The following CLASP1 variants were observed in gnomAD, a reference collection of about 807,000 sequenced individuals.
The protein encoded by CLASP1 is cytoplasmic linker associated protein 1.
CLASP1 carries 38 observed loss-of-function variants against 192.3 expected under a neutral mutation model. The ratio of observed to expected loss-of-function variants is 0.20; its 90% confidence interval spans 0.15 to 0.26. The LOEUF (loss-of-function observed/expected upper bound fraction) is 0.26, where lower values mean the gene tolerates loss of function less well. Ranked by LOEUF, CLASP1 falls within the 10% of genes least tolerant of loss-of-function variation. The probability of loss-of-function intolerance (pLI) is 1.00; values close to 1 mark genes in which losing one functional copy is unlikely to be tolerated. For synonymous variants in CLASP1, 691 were observed against 712.8 expected, an observed-to-expected ratio of 0.97 and a Z score of 0.49; for missense variants, 1,433 against 1,932.5, an observed-to-expected ratio of 0.74 and a Z score of 4.85.
intron 2 of CLASP1, among the ~76,000 whole-genome samples, chr2:121,535,737 C>A (rs901005428): frequency 6.6e-6 from 1 of 151,782 alleles, no homozygotes; most frequent in African/African-American, 2.4e-5. Context: ...CAACCTCCAT[C>A]TCCCAGCTTC....
intron 39 of CLASP1, among the ~76,000 whole-genome samples, chr2:121,344,307 T>A (rs1477792127): frequency 6.6e-6 from 1 of 152,048 alleles, no homozygotes; most frequent in African/African-American, 2.4e-5. Context: ...TATCTCTTCC[T>A]GGTATCACTT....
chr2:121,407,585 C>A, exon 25 of CLASP1: 2 of 1,613,942 alleles, frequency 1.2e-6, no homozygotes, highest in Non-Finnish European at 1.7e-6. Flanking sequence ...CTCAGTCTGC[C>A]GCAGATAATG....
At chr2:121,593,342 G>A (rs533921283) in intron 2 of CLASP1, among the ~76,000 whole-genome samples, 4 of 152,220 alleles carry the variant, frequency 2.6e-5, no homozygotes, top group South Asian at 2.1e-4. Flanking sequence ...AACTATGGCC[G>A]GGCACGGTGG....
intron 7 of CLASP1, among the ~76,000 whole-genome samples, chr2:121,512,202 G>A (rs2094157263): frequency 6.6e-6 from 1 of 152,188 alleles, no homozygotes; most frequent in South Asian, 2.1e-4. Flanking sequence ...CCCAAATGAT[G>A]ATCCCAGAAG....
intron 35 of CLASP1, among the ~76,000 whole-genome samples, chr2:121,367,252 C>T (rs1401046107): frequency 6.6e-6 from 1 of 152,242 alleles, no homozygotes; most frequent in Admixed American, 6.5e-5. Context: ...TCCTACACCC[C>T]TGGCCTACCT....
intron 7 of CLASP1, among the ~76,000 whole-genome samples, chr2:121,507,351 GA>G (rs2093974434): frequency 1.3e-5 from 2 of 152,076 alleles, no homozygotes; most frequent in South Asian, 4.1e-4. Flanking sequence ...AGACAAGAAG[GA>G]ATCAACAAAT....
intron 8 of CLASP1, among the ~76,000 whole-genome samples, chr2:121,485,548 T>G (rs960111402): frequency 3.3e-5 from 5 of 152,186 alleles, no homozygotes; most frequent in African/African-American, 7.2e-5. Flanking sequence ...GTGTGTGTGT[T>G]TTTCCTTCAA....
chr2:121,340,831 C>A lies in CLASP1; in HGVS notation c.*30G>T, dbSNP rs575141508. ...CTCTGAGAGGCACCACCGATTGCTT[C>A]TAGGTCTACACAAGAGACAGGTACT... On this transcript the variant is annotated 3_prime_UTR_variant, in exon 40 of 40. Coordinates refer to ENST00000263710, the Ensembl canonical transcript of CLASP1. The A allele has an allele frequency of 3.8e-6, 6 of 1,569,820 alleles. No individual in the cohort carries two copies. In the African/African-American group the frequency reaches 8.1e-5, roughly 21 times the overall value.
At chr2:121,387,792 G>A in exon 31 of CLASP1, 1 of 1,613,854 alleles carries the variant, frequency 6.2e-7, no homozygotes, top group Non-Finnish European at 8.5e-7. Flanking sequence ...TTCTTGAGGT[G>A]GTTGTGCAGG....
chr2:121,525,984 T>G (rs1224145520), intron 5 of CLASP1, 64 bp from the exon 6 acceptor site: 26 of 1,105,458 alleles, frequency 2.4e-5, no homozygotes, highest in Non-Finnish European at 3.4e-5. Context: ...GATGCCTGTC[T>G]GCCCACACCT....
At chr2:121,633,026 A>ATG in intron 1 of CLASP1, among the ~76,000 whole-genome samples, 1 of 147,850 alleles carries the variant, frequency 6.8e-6, no homozygotes, top group Non-Finnish European at 1.5e-5. Context: ...ATATATATAT[A>ATG]TAGGCTTTTT....
intron 8 of CLASP1, among the ~76,000 whole-genome samples, chr2:121,478,616 A>C (rs1366685183): frequency 1.8e-4 from 22 of 125,258 alleles, no homozygotes; most frequent in South Asian, 1.0e-3. Flanking sequence ...ACACACACAC[A>C]CCACACACAC....
chr2:121,347,796 A>G (rs906055023), intron 38 of CLASP1, among the ~76,000 whole-genome samples: 1 of 152,154 alleles, frequency 6.6e-6, no homozygotes, highest in African/African-American at 2.4e-5. Context: ...TCTAGTCCTC[A>G]ACAATTAAGT....
chr2:121,387,407 T>A (rs1187788720), intron 31 of CLASP1, among the ~76,000 whole-genome samples, 179 bp from the exon 33 acceptor site: 1 of 152,008 alleles, frequency 6.6e-6, no homozygotes, highest in Non-Finnish European at 1.5e-5. Flanking sequence ...AAATGAATAA[T>A]CATCATACAA....
intron 7 of CLASP1, among the ~76,000 whole-genome samples, chr2:121,514,847 G>A (rs1198915030): frequency 6.6e-6 from 1 of 152,198 alleles, no homozygotes; most frequent in Non-Finnish European, 1.5e-5. Flanking sequence ...CAGAAGAACA[G>A]GGTTTTGAAC....
chr2:121,525,078 A>G (rs1224264875), intron 6 of CLASP1, among the ~76,000 whole-genome samples: 1 of 152,154 alleles, frequency 6.6e-6, no homozygotes, highest in East Asian at 1.9e-4. Flanking sequence ...GCCACTGACC[A>G]TATATATTTC....
chr2:121,397,275 A>C, exon 30 of CLASP1: 3 of 1,613,518 alleles, frequency 1.9e-6, no homozygotes, highest in Non-Finnish European at 2.5e-6. Context: ...TCAGGATTGC[A>C]ACTTTGACCT....
chr2:121,526,398 G>A (rs2094574896), intron 5 of CLASP1, among the ~76,000 whole-genome samples: 1 of 152,190 alleles, frequency 6.6e-6, no homozygotes, highest in African/African-American at 2.4e-5. Flanking sequence ...GCACATCTGA[G>A]CCAAGTACTG....
chr2:121,538,476 T>C (rs1255901724), intron 2 of CLASP1, among the ~76,000 whole-genome samples: 2 of 148,404 alleles, frequency 1.3e-5, no homozygotes, highest in East Asian at 4.0e-4. Flanking sequence ...GAATGGAAAA[T>C]ACAACTGCGT....
Sources: allele counts gnomAD v4.1 joint callset (sites outside exome capture counted in the v4.1 genomes callset), GRCh38; gene constraint gnomAD v4.1.1; transcripts MANE v1.5; gene names NCBI Gene and HGNC (gene_info 2026-07-23, HGNC 2026-07-21).